Variants in STK33 observed in about 807,000 individuals in gnomAD.
STK33 encodes the protein serine/threonine kinase 33, also known as serine/threonine-protein kinase 33.
Under a neutral mutation model 58.0 loss-of-function variants are expected in STK33, and 52 were observed. That is an observed-to-expected ratio of 0.90 (90% confidence interval 0.72 to 1.13). The LOEUF is 1.13. Among genes scored for constraint, STK33 ranks in the 50% most tolerant of loss-of-function variants. STK33 has a pLI of 0.00. For synonymous variants in STK33, 215 were observed against 200.1 expected, an observed-to-expected ratio of 1.07 and a Z score of -0.63; for missense variants, 630 against 604.2, an observed-to-expected ratio of 1.04 and a Z score of -0.45.
chr11:8,450,599 TTTA>T (rs1265398716), intron 11 of STK33, among the ~76,000 whole-genome samples: 1 of 143,054 alleles, frequency 7.0e-6, no homozygotes, highest in Non-Finnish European at 1.5e-5. Flanking sequence ...GTTCATGATT[TTTA>T]TTATTTTTTC....
At chr11:8,482,693 G>A (rs1036515847) in intron 1 of STK33, among the ~76,000 whole-genome samples, 1 of 151,852 alleles carries the variant, frequency 6.6e-6, no homozygotes, top group African/African-American at 2.4e-5. Flanking sequence ...AAAGATAACA[G>A]CAGTAACTAT....
At position 8,460,956 on chromosome 11, in the gene STK33, A is replaced by G. The variant is rs1213396455; in HGVS notation, c.558+849T>C. On this transcript the variant is annotated intron_variant, in intron 8 of 15. Transcript: ENST00000687296. ...CTATTACTACCTTAGAGACTGGCCT[A>G]GGAGACAAAGAACAATAGAGAAACA... 2.6e-5 allele frequency among the ~76,000 whole-genome samples: 4 copies of G among 152,232 alleles called. No individual in the cohort carries two copies. The East Asian group carries it at 7.7e-4, about 29-fold the overall frequency.
At position 8,587,463 on chromosome 11, in the gene STK33, G is replaced by A. The variant is rs1383991259; in HGVS notation, c.-466+6620C>T. On this transcript the variant is annotated intron_variant, in intron 1 of 15. Coordinates refer to ENST00000687296, the MANE Select transcript of STK33 (RefSeq NM_001352389.2). ...AATCCTAAGCTTTTCCACACTGCAC[G>A]CTTGAACCTCTGGAAAGAACACGAG... is the stretch of plus-strand genomic sequence containing the variant. Among the ~76,000 whole-genome samples the A allele has an allele frequency of 3.9e-5, 6 of 151,910 alleles. 1 individual carries two copies. In the South Asian group the frequency reaches 8.3e-4, roughly 21 times the overall value.
At chr11:8,434,468 G>C (rs1156839011) in intron 14 of STK33, among the ~76,000 whole-genome samples, 1 of 151,892 alleles carries the variant, frequency 6.6e-6, no homozygotes, top group African/African-American at 2.4e-5. Context: ...TCCACTTACT[G>C]AATCATTCAC....
At chr11:8,487,979 C>A (rs545319550) in intron 1 of STK33, among the ~76,000 whole-genome samples, 5 of 152,148 alleles carry the variant, frequency 3.3e-5, no homozygotes, top group African/African-American at 1.2e-4. Flanking sequence ...CTTATCTCCA[C>A]AATAAAAATA....
intron 7 of STK33, among the ~76,000 whole-genome samples, chr11:8,464,411 C>T (rs1359164402): frequency 6.6e-6 from 1 of 152,178 alleles, no homozygotes; most frequent in Non-Finnish European, 1.5e-5. Context: ...CCTATGCCTA[C>T]AGAACACTGA....
intron 1 of STK33, among the ~76,000 whole-genome samples, chr11:8,578,119 G>A (rs568104940): frequency 5.3e-5 from 8 of 152,022 alleles, no homozygotes; most frequent in South Asian, 4.2e-4. Flanking sequence ...ATATATATAC[G>A]ATTACAGTGC....
chr11:8,521,673 C>T (rs374750882), intron 1 of STK33, among the ~76,000 whole-genome samples: 1 of 152,018 alleles, frequency 6.6e-6, no homozygotes, highest in South Asian at 2.1e-4. Flanking sequence ...AGAAACTACC[C>T]TCAGAGTGAA....
At chr11:8,589,522 GC>G in intron 1 of STK33, among the ~76,000 whole-genome samples, 1 of 152,296 alleles carries the variant, frequency 6.6e-6, no homozygotes, top group South Asian at 2.1e-4. Flanking sequence ...AGGCATGACT[GC>G]TATTGGATGT....
At chr11:8,490,698 C>T (rs535736359) in intron 1 of STK33, among the ~76,000 whole-genome samples, 3 of 152,230 alleles carry the variant, frequency 2.0e-5, no homozygotes, top group South Asian at 4.2e-4. Context: ...CAGGCAGGTG[C>T]CCCTCTGGAA....
chr11:8,475,767 T>C (rs1266262047), intron 4 of STK33: 1 of 152,174 alleles, frequency 6.6e-6, no homozygotes, highest in Admixed American at 6.5e-5. Context: ...AAAAATACAC[T>C]CTGCAGTACA....
At chr11:8,531,059 T>C (rs1954502370) in intron 1 of STK33, among the ~76,000 whole-genome samples, 1 of 151,966 alleles carries the variant, frequency 6.6e-6, no homozygotes, top group Non-Finnish European at 1.5e-5. Flanking sequence ...GCAACTAGGA[T>C]AGGAACAATT....
At chr11:8,368,389 C>T in the STK33 span, among the ~76,000 whole-genome samples, 1 of 152,218 alleles carries the variant, frequency 6.6e-6, no homozygotes, top group Non-Finnish European at 1.5e-5. Flanking sequence ...TCCCTGAGAG[C>T]GATGCTGTCC....
At chr11:8,362,648 G>T in the STK33 span, among the ~76,000 whole-genome samples, 1 of 152,178 alleles carries the variant, frequency 6.6e-6, no homozygotes, top group African/African-American at 2.4e-5. Flanking sequence ...CATTAGGGAG[G>T]CACGTCACTG....
At chr11:8,491,657 T>C (rs748947159) in intron 1 of STK33, among the ~76,000 whole-genome samples, 4 of 152,032 alleles carry the variant, frequency 2.6e-5, no homozygotes, top group Non-Finnish European at 5.9e-5. Flanking sequence ...TTTACCAAGA[T>C]TGAATTGAAG....
Position 8,405,387 on chromosome 11 carries a change from G to A in STK33, c.1344+8108C>T, listed in dbSNP as rs939570221. Among the ~76,000 whole-genome samples, 7 of 152,242 alleles carry A rather than the reference G, an allele frequency of 4.6e-5. No homozygotes were observed. In the Middle Eastern group the frequency reaches 0.01, roughly 222 times the overall value. On this transcript the variant is annotated intron_variant, in intron 15 of 15. Coordinates refer to ENST00000687296, the MANE Select transcript of STK33 (RefSeq NM_001352389.2). ...ATTGACTACTTGTATATCTTCCTAT[G>A]TGAAGTGTCTGTTCAAGTCTACTGA... is the stretch of plus-strand genomic sequence containing the variant.
chr11:8,433,012 C>T (rs2136197575), intron 14 of STK33, among the ~76,000 whole-genome samples: 1 of 152,242 alleles, frequency 6.6e-6, no homozygotes, highest in Middle Eastern at 3.4e-3. Flanking sequence ...ATGGCCCAAC[C>T]CGAATGTTGT....
chr11:8,521,585 G>C (rs977725995), intron 1 of STK33, among the ~76,000 whole-genome samples: 3 of 152,052 alleles, frequency 2.0e-5, no homozygotes, highest in Admixed American at 6.5e-5. Flanking sequence ...TCATGACTAA[G>C]ACACCAAAAG....
At chr11:8,406,011 C>T (rs1025465371) in intron 15 of STK33, among the ~76,000 whole-genome samples, 11 of 151,994 alleles carry the variant, frequency 7.2e-5, no homozygotes, top group Admixed American at 1.3e-4. Flanking sequence ...GGCATGGTGG[C>T]GGGTGCCTGT....
Sources: gnomAD v4.1 joint callset for allele counts (sites outside exome capture counted in the v4.1 genomes callset) on GRCh38, gnomAD v4.1.1 for gene constraint, MANE v1.5 for transcripts, NCBI Gene and HGNC (gene_info 2026-07-23, HGNC 2026-07-21) for gene names.